The following PLEKHA5 variants were observed in gnomAD, a reference collection of about 807,000 sequenced individuals.
The protein encoded by PLEKHA5 is pleckstrin homology domain containing A5.
A neutral mutation model predicts 181.9 loss-of-function variants in PLEKHA5; 55 were observed. The ratio of observed to expected loss-of-function variants is 0.30; its 90% CI spans 0.24 to 0.38. The LOEUF is 0.38. Among genes scored for constraint, PLEKHA5 ranks in the 10% least tolerant of loss-of-function variants. PLEKHA5 has a pLI of 1.00. For synonymous variants in PLEKHA5, 535 were observed against 529.4 expected, an observed-to-expected ratio of 1.01 and a Z score of -0.15; for missense variants, 1,432 against 1,549.5, an observed-to-expected ratio of 0.92 and a Z score of 1.27.
At chr12:19,349,202 G>A (rs1029652157) in intron 25 of PLEKHA5, among the ~76,000 whole-genome samples, 6 of 151,642 alleles carry the variant, frequency 4.0e-5, no homozygotes, top group East Asian at 1.9e-4. Flanking sequence ...CTGTAGCCTC[G>A]ACCTCCCAGA....
At chr12:19,186,048 T>C (rs1453086536) in intron 3 of PLEKHA5, among the ~76,000 whole-genome samples, 2 of 152,190 alleles carry the variant, frequency 1.3e-5, no homozygotes, top group African/African-American at 2.4e-5. Context: ...CACATACATG[T>C]CTTAGGACTC....
intron 3 of PLEKHA5, among the ~76,000 whole-genome samples, chr12:19,232,936 C>G (rs1334925852): frequency 1.3e-5 from 2 of 152,104 alleles, no homozygotes; most frequent in South Asian, 4.1e-4. Context: ...TTCTTATACT[C>G]TACTTCAGTT....
intron 20 of PLEKHA5, among the ~76,000 whole-genome samples, chr12:19,328,724 T>C (rs1208792609): frequency 6.6e-6 from 1 of 152,110 alleles, no homozygotes; most frequent in Admixed American, 6.6e-5. Flanking sequence ...TTATCAGTTG[T>C]AGGAGCCTTT....
intron 31 of PLEKHA5, chr12:19,371,122 C>T (rs946150228): frequency 1.3e-5 from 2 of 152,230 alleles, no homozygotes; most frequent in African/African-American, 2.4e-5. Context: ...AAGCAATCCT[C>T]CCACCTCAGC....
chr12:19,338,310 C>T (rs1190697391), intron 21 of PLEKHA5, among the ~76,000 whole-genome samples: 1 of 152,058 alleles, frequency 6.6e-6, no homozygotes, highest in Non-Finnish European at 1.5e-5. Flanking sequence ...GTGATCCTCC[C>T]ACCTCAGCCT....
chr12:19,360,006 T>TAAAGA (rs2095146936), intron 28 of PLEKHA5, among the ~76,000 whole-genome samples: 1 of 151,570 alleles, frequency 6.6e-6, no homozygotes, highest in Non-Finnish European at 1.5e-5. Flanking sequence ...AAGCTTTCTT[T>TAAAGA]AGTTTGATTG....
intron 6 of PLEKHA5, among the ~76,000 whole-genome samples, chr12:19,259,261 C>T (rs868122440): frequency 4.0e-5 from 6 of 151,400 alleles, no homozygotes; most frequent in African/African-American, 1.5e-4. Flanking sequence ...CCAGCTACTC[C>T]GGAGGCTGAA....
chr12:19,304,709 T>G (rs2082628592), intron 15 of PLEKHA5, among the ~76,000 whole-genome samples: 1 of 151,458 alleles, frequency 6.6e-6, no homozygotes, highest in African/African-American at 2.4e-5. Flanking sequence ...GGCCCAGACC[T>G]GTAAAGGTTT....
chr12:19,324,073 C>G (rs2091548251), intron 20 of PLEKHA5, among the ~76,000 whole-genome samples: 2 of 152,112 alleles, frequency 1.3e-5, no homozygotes, highest in Non-Finnish European at 2.9e-5. Flanking sequence ...TAAAACTGCT[C>G]CCAAACCCTT....
intron 12 of PLEKHA5, among the ~76,000 whole-genome samples, chr12:19,284,345 A>G (rs10841202): frequency 0.55 from 83,672 of 152,020 alleles, 27,290 homozygotes; most frequent in Non-Finnish European, 0.75. Context: ...CTGAGATTGC[A>G]GGTGTGAGCC....
Position 19,257,530 on chromosome 12 carries a change from A to G in PLEKHA5, c.530A>G (p.Tyr177Cys). 2 of 1,543,034 alleles carry G rather than the reference A, an allele frequency of 1.3e-6. No individual in the cohort carries two copies. Among genetic ancestry groups the G allele is most frequent in the Non-Finnish European group, 1.8e-6 (2 of 1,131,472 alleles). ...CCGGTTGTCAGACGAGGTTGGCTTT[A>G]TAAACAGGTATTTTTTTTTTTTTGA... The part of the protein sequence containing the change: ...NAPVVRRGWL[Y>C]KQDSTGMKLW... The change falls in exon 6 of 32, where the codon TAT becomes TGT. Residue 177 changes from tyrosine to cysteine, a missense_variant. Coordinates refer to ENST00000429027, the MANE Select transcript of PLEKHA5 (RefSeq NM_001256470.2).
At chr12:19,270,023 A>G (rs2152706030) in intron 9 of PLEKHA5, 138 bp downstream of exon 9, 1 of 634,194 alleles carries the variant, frequency 1.6e-6, no homozygotes, top group Admixed American at 3.3e-5. Context: ...GCAAGGATCA[A>G]TTCCTGTTCT....
At chr12:19,247,438 TTG>T (rs2064023151) in intron 3 of PLEKHA5, among the ~76,000 whole-genome samples, 2 of 152,148 alleles carry the variant, frequency 1.3e-5, no homozygotes, top group Admixed American at 6.6e-5. Context: ...ATACATAAGA[TTG>T]GAAAAGGAAT....
At chr12:19,208,833 T>C (rs1404464901) in intron 3 of PLEKHA5, among the ~76,000 whole-genome samples, 1 of 152,176 alleles carries the variant, frequency 6.6e-6, no homozygotes, top group Non-Finnish European at 1.5e-5. Context: ...ATATTTGACA[T>C]CAATATGATT....
At chr12:19,218,300 T>C (rs2058342234) in intron 3 of PLEKHA5, among the ~76,000 whole-genome samples, 1 of 152,138 alleles carries the variant, frequency 6.6e-6, no homozygotes. Context: ...AAATGTTTTC[T>C]CCTCCAGTGT....
intron 7 of PLEKHA5, 150 bp downstream of exon 7, chr12:19,261,171 C>T (rs934936419): frequency 1.9e-4 from 94 of 488,188 alleles, no homozygotes; most frequent in Non-Finnish European, 3.0e-4. Context: ...TTTGACATAT[C>T]ATTCTGAGTT....
At chr12:19,206,045 T>A (rs1471144657) in intron 3 of PLEKHA5, among the ~76,000 whole-genome samples, 2 of 152,132 alleles carry the variant, frequency 1.3e-5, no homozygotes, top group Non-Finnish European at 2.9e-5. Context: ...GTTACAGTTA[T>A]TCTGTATTCA....
chr12:19,215,492 A>G (rs1466384440), intron 3 of PLEKHA5, among the ~76,000 whole-genome samples: 1 of 152,180 alleles, frequency 6.6e-6, no homozygotes, highest in African/African-American at 2.4e-5. Flanking sequence ...GGGGCGTTGC[A>G]TATAGTAGTT....
In PLEKHA5 at chr12:19,362,788, C is replaced by A. The variant is rs114472432; in HGVS notation, c.3608+1082C>A. ...AAAATTTTAAAAAGAGAGATAAATA[C>A]CTTAAAAAAAAAAAGTCAAAAGGCA... On this transcript the variant is annotated intron_variant, in intron 29 of 31. Coordinates refer to ENST00000429027, the MANE Select transcript of PLEKHA5 (RefSeq NM_001256470.2). 6.4e-3 allele frequency among the ~76,000 whole-genome samples: 969 copies of A among 151,528 alleles called. 10 individuals carry two copies. The highest frequency in any genetic ancestry group is 0.023 in the African/African-American group (934 of 41,318).
Sources: allele counts gnomAD v4.1 joint callset (sites outside exome capture counted in the v4.1 genomes callset), GRCh38; gene constraint gnomAD v4.1.1; transcripts MANE v1.5; gene names NCBI Gene and HGNC (gene_info 2026-07-23, HGNC 2026-07-21).